PLEKHG1: variants seen among roughly 807,000 people sequenced by gnomAD.
PLEKHG1 encodes the protein pleckstrin homology and RhoGEF domain containing G1.
A neutral mutation model predicts 100.8 loss-of-function variants in PLEKHG1; 44 were observed. The observed-to-expected ratio is 0.44, with a 90% CI of 0.34 to 0.56. The LOEUF is 0.56. Among genes scored for constraint, PLEKHG1 ranks in the 20% least tolerant of loss-of-function variants. The pLI is 0.01. For synonymous variants in PLEKHG1, 640 were observed against 662.5 expected (o/e 0.97, Z 0.52); for missense variants, 1,545 against 1,720.9 (o/e 0.90, Z 1.81).
At chr6:150,672,333 G>T (rs889770611) in intron 3 of PLEKHG1, among the ~76,000 whole-genome samples, 1 of 152,180 alleles carries the variant, frequency 6.6e-6, no homozygotes, top group Non-Finnish European at 1.5e-5. Context: ...GCTATGAGGT[G>T]CTTGGAAGTC....
chr6:150,629,832 G>A (rs1777672952), intron 1 of PLEKHG1, among the ~76,000 whole-genome samples: 1 of 152,058 alleles, frequency 6.6e-6, no homozygotes, highest in Non-Finnish European at 1.5e-5. Flanking sequence ...CAAGAAATCA[G>A]ACCAAAATAA....
chr6:150,809,137 G>A, exon 8 of PLEKHG1: 1 of 1,614,176 alleles, frequency 6.2e-7, no homozygotes, highest in Non-Finnish European at 8.5e-7. Context: ...ACTGGAAGGG[G>A]CCAGACCTGA....
chr6:150,764,472 G>T (rs926899806), intron 2 of PLEKHG1, among the ~76,000 whole-genome samples: 2 of 152,088 alleles, frequency 1.3e-5, no homozygotes, highest in African/African-American at 2.4e-5. Flanking sequence ...ACGCTTCAGT[G>T]GTTACCACCA....
intron 1 of PLEKHG1, among the ~76,000 whole-genome samples, chr6:150,722,188 A>G (rs1021498637): frequency 6.6e-6 from 1 of 151,978 alleles, no homozygotes; most frequent in Non-Finnish European, 1.5e-5. Flanking sequence ...TACCCATTTT[A>G]CTCACTGTAT....
intron 1 of PLEKHG1, among the ~76,000 whole-genome samples, chr6:150,631,949 C>T (rs1444573072): frequency 6.6e-6 from 1 of 152,238 alleles, no homozygotes; most frequent in Non-Finnish European, 1.5e-5. Flanking sequence ...GCTGCTTCCT[C>T]GGCCACTGCC....
chr6:150,626,855 C>A (rs1023116620), intron 1 of PLEKHG1, among the ~76,000 whole-genome samples: 3 of 151,944 alleles, frequency 2.0e-5, no homozygotes, highest in Non-Finnish European at 4.4e-5. Flanking sequence ...GTATTTTTAC[C>A]CCCATTGTAG....
intron 15 of PLEKHG1, 35 bp from the exon 17 acceptor site, chr6:150,839,798 T>G: frequency 1.7e-6 from 2 of 1,197,374 alleles, no homozygotes; most frequent in Non-Finnish European, 2.5e-6. Context: ...GGAATTATCC[T>G]GTGTGTATTT....
chr6:150,765,077 C>T (rs532650342), intron 2 of PLEKHG1, among the ~76,000 whole-genome samples: 7 of 152,186 alleles, frequency 4.6e-5, no homozygotes, highest in Admixed American at 3.3e-4. Context: ...AATTACTATA[C>T]ACATGTAAGT....
intron 1 of PLEKHG1, among the ~76,000 whole-genome samples, chr6:150,730,347 T>A (rs373820077): frequency 1.3e-5 from 1 of 74,250 alleles, no homozygotes; most frequent in African/African-American, 4.4e-5. Flanking sequence ...GGTGTGGGGG[T>A]GGGGGAGTGG....
Position 150,831,618 on chromosome 6 carries a change from A to G in PLEKHG1, c.2507A>G (p.Asp836Gly), listed in dbSNP as rs143567749. 2.5e-6 allele frequency: 4 copies of G among 1,614,122 alleles called. No homozygotes were observed. In the Admixed American group the frequency reaches 5.0e-5, roughly 20 times the overall value. Residue 836 changes from aspartate to glycine, a missense_variant, in exon 15 of 16, where the codon GAT (aspartate) becomes GGT (glycine). Coordinates refer to ENST00000358517, the Ensembl canonical transcript of PLEKHG1. This position sits in a 1 kb window ranked among gnomAD's most constrained non-coding sequence, Gnocchi z 4.1. ...TCTGATAAACTGTCCGAAGAAGTAG[A>G]TGAAATCTGGAATGACCTGGAAAAT...
At chr6:150,794,286 AG>A (rs1232018612) in intron 4 of PLEKHG1, among the ~76,000 whole-genome samples, 1 of 152,246 alleles carries the variant, frequency 6.6e-6, no homozygotes, top group Non-Finnish European at 1.5e-5. Flanking sequence ...GATTTTAAAA[AG>A]AAAAAAAGGA....
At chr6:150,757,156 C>G (rs1420744985) in intron 2 of PLEKHG1, among the ~76,000 whole-genome samples, 1 of 152,118 alleles carries the variant, frequency 6.6e-6, no homozygotes, top group East Asian at 1.9e-4. Flanking sequence ...CACTACCACG[C>G]CGAGCAATTT....
chr6:150,642,923 T>G (rs114807362), intron 2 of PLEKHG1, among the ~76,000 whole-genome samples: 127 of 151,410 alleles, frequency 8.4e-4, no homozygotes, highest in African/African-American at 3.0e-3. Context: ...TAGCGGTACT[T>G]AAGTGAAGCT....
chr6:150,608,197 T>G (rs938508150), intron 1 of PLEKHG1, among the ~76,000 whole-genome samples: 1 of 152,220 alleles, frequency 6.6e-6, no homozygotes, highest in Non-Finnish European at 1.5e-5. Flanking sequence ...AAAGCATCCT[T>G]ATTATGAAAC....
chr6:150,675,597 T>C (rs973817125), intron 3 of PLEKHG1, among the ~76,000 whole-genome samples: 1 of 152,254 alleles, frequency 6.6e-6, no homozygotes, highest in Non-Finnish European at 1.5e-5. Flanking sequence ...GTTTTTGTTT[T>C]TGAGACGGAG....
At chr6:150,653,113 G>C (rs777389490) in intron 3 of PLEKHG1, among the ~76,000 whole-genome samples, 1 of 152,066 alleles carries the variant, frequency 6.6e-6, no homozygotes, top group African/African-American at 2.4e-5. Context: ...AAATCAATAG[G>C]TTCTGGTCTG....
Position 150,809,628 on chromosome 6 carries a change from T to C in PLEKHG1, c.1192-20T>C, listed in dbSNP as rs1310628441. 1 of 1,607,020 alleles carries C rather than the reference T, an allele frequency of 6.2e-7. No individual in the cohort carries two copies. The highest frequency in any genetic ancestry group is 8.5e-7 in the Non-Finnish European group (1 of 1,173,694). On this transcript the variant is annotated intron_variant, in intron 9 of 15. Coordinates refer to ENST00000358517, the Ensembl canonical transcript of PLEKHG1. The stretch of plus-strand genomic sequence containing the variant: ...GTGGTGGAATCAAGTTGTCTGACTG[T>C]CTACATCTCGTCTTGGCAGGCCAAA...
chr6:150,715,044 C>T (rs1368535238), intron 3 of PLEKHG1, among the ~76,000 whole-genome samples: 1 of 152,120 alleles, frequency 6.6e-6, no homozygotes, highest in Non-Finnish European at 1.5e-5. Flanking sequence ...AATGATCCAC[C>T]CACCTCAGCC....
At chr6:150,753,365 A>G (rs1783636530) in intron 2 of PLEKHG1, among the ~76,000 whole-genome samples, 1 of 152,088 alleles carries the variant, frequency 6.6e-6, no homozygotes, top group African/African-American at 2.4e-5. Flanking sequence ...TCTTTTGAAA[A>G]AAGCCTTTAT....
Sources: allele counts gnomAD v4.1 joint callset (sites outside exome capture counted in the v4.1 genomes callset), GRCh38; gene constraint gnomAD v4.1.1; non-coding constraint Gnocchi (gnomAD v3.1); transcripts MANE v1.5; gene names NCBI Gene and HGNC (gene_info 2026-07-23, HGNC 2026-07-21).